The following KIF20B variants were observed in gnomAD, a reference collection of about 807,000 sequenced individuals.
KIF20B encodes kinesin family member 20B.
In KIF20B, 188 loss-of-function variants were observed where a neutral mutation model predicts 232.5. The ratio of observed to expected loss-of-function variants is 0.81; its 90% CI spans 0.72 to 0.91. The LOEUF is 0.91. Among genes scored for constraint, KIF20B ranks in the 40% least tolerant of loss-of-function variants. The pLI, the probability that KIF20B is intolerant of heterozygous loss-of-function variation, is 0.00. For missense variants in KIF20B, 2,154 were observed against 2,055.9 expected, an observed-to-expected ratio of 1.05 and a Z score of -0.92; for synonymous variants, 712 against 683.0, an observed-to-expected ratio of 1.04 and a Z score of -0.66.
In KIF20B at chr10:89,709,438, G is replaced by A. The variant is rs767453897; in HGVS notation, c.328G>A (p.Ala110Thr). ...AAGTGAAAAAAGCTCAGGGCAGATGGCACAGAAATTCAGTTTTTCCAAGGT... is the reference window on the plus strand; with the variant it reads ...AAGTGAAAAAAGCTCAGGGCAGATGACACAGAAATTCAGTTTTTCCAAGGT... ...RLSEKSSGQMAQKFSFSKVFG... is the reference protein window; with the variant it reads ...RLSEKSSGQMTQKFSFSKVFG... Residue 110 changes from alanine (A) to threonine (T), a missense_variant, in exon 4 of 33, where the codon GCA (alanine) becomes ACA (threonine). Physicochemically the swap from Ala to Thr is moderately conservative, Grantham distance 58. Coordinates refer to ENST00000371728, the MANE Select transcript of KIF20B (RefSeq NM_001284259.2). The A allele has an allele frequency of 6.8e-6, 11 of 1,611,432 alleles. No homozygotes were observed. In the South Asian group the frequency reaches 8.8e-5, roughly 13 times the overall value.
Position 89,726,231 on chromosome 10 carries a change from T to C in KIF20B, c.2002-62T>C, listed in dbSNP as rs1589860556. On this transcript the variant is annotated intron_variant, in intron 15 of 32. Transcript: ENST00000371728. ...TTTAAAAACTGTCTAAATTAGATGG[T>C]ACCACATGTAAAGGGTGAACCCTAC... The C allele has an allele frequency of 4.9e-6, 7 of 1,422,048 alleles. No individual in the cohort carries two copies. In the East Asian group the frequency reaches 1.3e-4, roughly 26 times the overall value. The allele number at this position is 1,422,048 out of a possible 1,614,324, so 88.1% of individuals were successfully genotyped here.
chr10:89,774,228 C>CT lies in KIF20B; in HGVS notation c.*186dup, dbSNP rs1842524074. 8.0e-6 allele frequency: 3 copies of CT among 376,460 alleles called. 1 individual carries two copies. The highest frequency in any genetic ancestry group is 1.1e-4 in the South Asian group (1 of 9,098). The allele number at this position is 376,460 out of a possible 1,614,324, so 23.3% of individuals were successfully genotyped here. ...TCAAAATTTGTATATTTTTATAAGG[C>CT]TTTTTTATAATAGCTTCTTTCAAAC... On this transcript the variant is annotated 3_prime_UTR_variant, in exon 33 of 33. Coordinates refer to ENST00000371728, the MANE Select transcript of KIF20B (RefSeq NM_001284259.2).
Position 89,738,576 on chromosome 10 carries a change from AAAAG to A in KIF20B, c.3738_3741del (p.Glu1247LysfsTer13). The A allele has an allele frequency of 6.4e-7, 1 of 1,565,050 alleles. No homozygotes were observed. The highest frequency in any genetic ancestry group is 8.6e-7 in the Non-Finnish European group (1 of 1,160,604). ...AAGATATGAAACATTTACTTCAATTAAAAGAAGAAGAAGAAGAAACCAACAGGCA... is the reference window on the plus strand; with the variant it reads ...AAGATATGAAACATTTACTTCAATTAAAGAAGAAGAAGAAACCAACAGGCA... On this transcript the variant is annotated frameshift_variant, in exon 20 of 33. Transcript: ENST00000371728. LOFTEE classifies it high-confidence loss of function.
In KIF20B at chr10:89,728,004, T is replaced by C. The variant is rs937146568; in HGVS notation, c.2271+108T>C. The C allele has an allele frequency of 1.3e-5, 12 of 944,612 alleles. No individual in the cohort carries two copies. In the African/African-American group the frequency reaches 1.4e-4, roughly 11 times the overall value. 58.5% of individuals were successfully genotyped at this position (944,612 alleles called of 1,614,324 possible). On this transcript the variant is annotated intron_variant, in intron 17 of 32. Transcript: ENST00000371728. ...AAAAAATAATTAAACAGTAATATAG[T>C]CTCTTGGTATGCATGGGGGATTGGT...
chr10:89,744,722 T>A (rs1277199459), intron 22 of KIF20B, among the ~76,000 whole-genome samples: 1 of 152,192 alleles, frequency 6.6e-6, no homozygotes, highest in Admixed American at 6.5e-5. Flanking sequence ...AATACATTTG[T>A]TATATTATTT....
intron 21 of KIF20B, among the ~76,000 whole-genome samples, chr10:89,740,742 C>T (rs1841779216): frequency 6.6e-6 from 1 of 152,190 alleles, no homozygotes; most frequent in Non-Finnish European, 1.5e-5. Context: ...CTCACTGTAA[C>T]TTTGAACTCC....
At chr10:89,727,191 A>G (rs1413977064) in intron 16 of KIF20B, among the ~76,000 whole-genome samples, 2 of 151,886 alleles carry the variant, frequency 1.3e-5, no homozygotes, top group African/African-American at 4.8e-5. Context: ...GGAGTGGTTT[A>G]AAGTAATTTG....
At chr10:89,739,982 ATTGT>A (rs1187674688) in intron 21 of KIF20B, among the ~76,000 whole-genome samples, 29 of 151,982 alleles carry the variant, frequency 1.9e-4, no homozygotes, top group Admixed American at 1.6e-3. Context: ...GACCATTTAG[ATTGT>A]TTATTATTTT....
rs780688492 is a variant in KIF20B, at chr10:89,738,328, A to G, written c.3487A>G (p.Ile1163Val). ...AGGTGTTACTTGCTATAAGGCAAAAATAAAGGAACTTGAAACAATTTTAGA... is the reference window on the plus strand; with the variant it reads ...AGGTGTTACTTGCTATAAGGCAAAAGTAAAGGAACTTGAAACAATTTTAGA... Reference protein sequence around the residue: ...TQGVTCYKAKIKELETILETQ... With the variant: ...TQGVTCYKAKVKELETILETQ... The change falls in exon 20 of 33, where the codon ATA becomes GTA. Residue 1163 changes from isoleucine (I) to valine (V), a missense_variant. Ile to Val is a conservative substitution (Grantham distance 29). Coordinates refer to ENST00000371728, the MANE Select transcript of KIF20B (RefSeq NM_001284259.2). 12 of 1,611,586 alleles carry G rather than the reference A, an allele frequency of 7.4e-6. No homozygotes were observed. The highest frequency in any genetic ancestry group is 9.3e-6 in the Non-Finnish European group (11 of 1,179,246).
intron 14 of KIF20B, 59 bp downstream of exon 14, chr10:89,724,162 T>TC (rs1253235482): frequency 1.4e-6 from 2 of 1,397,114 alleles, no homozygotes; most frequent in Non-Finnish European, 1.9e-6. Flanking sequence ...TTTTTTAGTT[T>TC]TTTTTTTTAC....
intron 8 of KIF20B, among the ~76,000 whole-genome samples, chr10:89,715,969 CA>C (rs1842926480): frequency 6.8e-6 from 1 of 146,498 alleles, no homozygotes; most frequent in South Asian, 2.2e-4. Flanking sequence ...CCAGGCTGGG[CA>C]ACAGAGTGAA....
chr10:89,761,368 G>C (rs1245097700), intron 28 of KIF20B, among the ~76,000 whole-genome samples: 3 of 151,678 alleles, frequency 2.0e-5, no homozygotes, highest in African/African-American at 7.3e-5. Flanking sequence ...CACTGAGGAA[G>C]ATGAAATGAA....
intron 15 of KIF20B, among the ~76,000 whole-genome samples, 192 bp downstream of exon 15, chr10:89,725,350 A>G (rs1843159561): frequency 6.7e-6 from 1 of 148,648 alleles, no homozygotes; most frequent in Non-Finnish European, 1.5e-5. Context: ...ATTGGTTTTG[A>G]AAAATTTATA....
Position 89,714,077 on chromosome 10 carries a change from CT to C in KIF20B, c.709del (p.Tyr237MetfsTer4). ...VTVHNDSDDTLYGSLTNSLNI... is the reference protein window; with the variant it reads ...VTVHNDSDDTXYGSLTNSLNI... ...TGTGCATAATGATAGTGATGATACT[CT>C]TTATGGTAAGGTTTCGTTGCTCACT... On this transcript the variant is annotated frameshift_variant, in exon 7 of 33. Coordinates refer to ENST00000371728, the MANE Select transcript of KIF20B (RefSeq NM_001284259.2). LOFTEE classifies it high-confidence loss of function. The C allele has an allele frequency of 6.9e-7, 1 of 1,447,082 alleles. No homozygotes were observed. Among genetic ancestry groups the C allele is most frequent in the Non-Finnish European group, 9.3e-7 (1 of 1,076,086 alleles). 89.6% of individuals were successfully genotyped at this position (1,447,082 alleles called of 1,614,324 possible).
intron 15 of KIF20B, among the ~76,000 whole-genome samples, chr10:89,726,006 A>G (rs959783242): frequency 6.6e-6 from 1 of 152,210 alleles, no homozygotes; most frequent in African/African-American, 2.4e-5. Flanking sequence ...GTCTCATTAT[A>G]TAATTGAAAG....
intron 19 of KIF20B, among the ~76,000 whole-genome samples, chr10:89,734,791 C>T (rs1032522520): frequency 5.3e-5 from 8 of 152,108 alleles, no homozygotes; most frequent in Non-Finnish European, 1.2e-4. Context: ...AGAGGTTTGA[C>T]GTTTGGCTCT....
At chr10:89,724,141 A>G in intron 14 of KIF20B, 38 bp downstream of exon 14, 1 of 1,421,076 alleles carries the variant, frequency 7.0e-7, no homozygotes, top group Non-Finnish European at 9.2e-7. Flanking sequence ...AAAATTGAGA[A>G]TTTTATTTAG....
At chr10:89,758,985 G>T in intron 27 of KIF20B, 103 bp downstream of exon 27, 1 of 606,442 alleles carries the variant, frequency 1.6e-6, no homozygotes, top group Non-Finnish European at 2.5e-6. Context: ...AGACCAAAAA[G>T]GAATCAGAGT....
At chr10:89,748,870 C>G (rs74403206) in intron 23 of KIF20B, among the ~76,000 whole-genome samples, 1 of 151,884 alleles carries the variant, frequency 6.6e-6, no homozygotes, top group South Asian at 2.1e-4. Flanking sequence ...TGACTTCCAC[C>G]TTTTCTATGC....
Sources: gnomAD v4.1 joint callset for allele counts (sites outside exome capture counted in the v4.1 genomes callset) on GRCh38, gnomAD v4.1.1 for gene constraint, MANE v1.5 for transcripts, NCBI Gene and HGNC (gene_info 2026-07-23, HGNC 2026-07-21) for gene names.